SCARB2: variants seen among roughly 807,000 people sequenced by gnomAD.
SCARB2 encodes lysosome membrane protein 2.
Under a neutral mutation model 58.6 loss-of-function variants are expected in SCARB2, and 29 were observed. The observed-to-expected ratio is 0.49, with a 90% CI of 0.37 to 0.67. The LOEUF (loss-of-function observed/expected upper bound fraction) is 0.67, where lower values mean the gene tolerates loss of function less well. Ranked by LOEUF, SCARB2 falls within the 30% of genes least tolerant of loss-of-function variation. The pLI is 0.00. For missense variants in SCARB2, 488 were observed against 578.5 expected, an observed-to-expected ratio of 0.84 and a Z score of 1.60; for synonymous variants, 195 against 210.1, an observed-to-expected ratio of 0.93 and a Z score of 0.62.
At chr4:76,198,451 T>G (rs1264666738) in intron 1 of SCARB2, among the ~76,000 whole-genome samples, 1 of 152,238 alleles carries the variant, frequency 6.6e-6, no homozygotes, top group Non-Finnish European at 1.5e-5. Flanking sequence ...CAGTGTGACT[T>G]GAACTTGTTC....
chr4:76,214,732 T>C (rs1377152153), upstream of SCARB2, among the ~76,000 whole-genome samples: 1 of 152,208 alleles, frequency 6.6e-6, no homozygotes, highest in East Asian at 1.9e-4. Flanking sequence ...CGCCAGCCCT[T>C]TACTAGTTTC....
chr4:76,216,271 G>A (rs548850978), upstream of SCARB2, among the ~76,000 whole-genome samples: 3 of 152,250 alleles, frequency 2.0e-5, no homozygotes, highest in South Asian at 2.1e-4. Flanking sequence ...CTAGGCATTG[G>A]TTGAAGTCCT....
chr4:76,174,294 T>C lies in SCARB2; in HGVS notation c.844A>G (p.Ser282Gly). 1.9e-6 allele frequency: 3 copies of C among 1,614,168 alleles called. No individual in the cohort carries two copies. The highest frequency in any genetic ancestry group is 2.5e-6 in the Non-Finnish European group (3 of 1,179,994). The change falls in exon 7 of 12, where the codon AGT (serine) becomes GGT (glycine). Residue 282 changes from serine (S) to glycine (G), a missense_variant. Coordinates refer to ENST00000264896, the MANE Select transcript of SCARB2 (RefSeq NM_005506.4). ...AGTCCCTGTACACTCTCATAGTCAC[T>C]GAAAGTAATATACACTGACCTGTTA... ...DFCRSVYITF[S>G]DYESVQGLPA...
At chr4:76,204,656 T>A (rs1047445535) in intron 1 of SCARB2, among the ~76,000 whole-genome samples, 3 of 152,014 alleles carry the variant, frequency 2.0e-5, no homozygotes, top group African/African-American at 7.3e-5. Context: ...AATATATATA[T>A]ACATATATGG....
At chr4:76,211,574 C>T (rs1733048044) in intron 1 of SCARB2, among the ~76,000 whole-genome samples, 2 of 152,186 alleles carry the variant, frequency 1.3e-5, no homozygotes, top group Non-Finnish European at 2.9e-5. Flanking sequence ...CTTATTATCC[C>T]TATTTACAGA....
intron 1 of SCARB2, among the ~76,000 whole-genome samples, chr4:76,199,192 G>A (rs535626771): frequency 7.2e-5 from 11 of 152,238 alleles, no homozygotes; most frequent in Admixed American, 5.9e-4. Flanking sequence ...AAGTCACAAA[G>A]CCAGTAAATG....
chr4:76,196,385 TGTAAA>T (rs1732713604), intron 1 of SCARB2, among the ~76,000 whole-genome samples: 1 of 152,128 alleles, frequency 6.6e-6, no homozygotes, highest in African/African-American at 2.4e-5. Flanking sequence ...AATTAATAAT[TGTAAA>T]GGAAGGGTAC....
chr4:76,163,404 T>A (rs1219244442), intron 10 of SCARB2, 21 bp from the exon 11 acceptor site: 2 of 1,613,870 alleles, frequency 1.2e-6, no homozygotes, highest in Non-Finnish European at 1.7e-6. Context: ...AAGAAAATAG[T>A]ATTCTTGATG....
At chr4:76,211,331 A>G (rs936417040) in intron 1 of SCARB2, among the ~76,000 whole-genome samples, 9 of 147,480 alleles carry the variant, frequency 6.1e-5, no homozygotes, top group Non-Finnish European at 1.2e-4. Context: ...CCCCAGTTTT[A>G]CAAGCAATGA....
chr4:76,233,556 G>T (rs35507310), intron 1 of SCARB2, among the ~76,000 whole-genome samples: 19,645 of 143,334 alleles, frequency 0.14, 1,577 homozygotes, highest in East Asian at 0.35. Flanking sequence ...ATTAATTAGA[G>T]CTCTTTTTAC....
chr4:76,218,500 G>A (rs141181986), upstream of SCARB2, among the ~76,000 whole-genome samples: 734 of 152,214 alleles, frequency 4.8e-3, 5 homozygotes, highest in African/African-American at 0.017. Flanking sequence ...CCTGTCTACC[G>A]CCTCCTCCGA....
chr4:76,224,025 C>A (rs923172708), intron 1 of SCARB2, among the ~76,000 whole-genome samples: 1 of 152,174 alleles, frequency 6.6e-6, no homozygotes, highest in Non-Finnish European at 1.5e-5. Flanking sequence ...ACCAGGAGAC[C>A]TCCCCACAAA....
At chr4:76,217,821 T>C, upstream of SCARB2, 1 of 402,942 alleles carries the variant, frequency 2.5e-6, no homozygotes, top group Middle Eastern at 3.1e-4. Flanking sequence ...ACTTAATGAA[T>C]GATTGCTGGT....
At chr4:76,183,864 G>A (rs1353049747) in intron 2 of SCARB2, among the ~76,000 whole-genome samples, 2 of 152,186 alleles carry the variant, frequency 1.3e-5, no homozygotes, top group Non-Finnish European at 2.9e-5. Flanking sequence ...TCACTTAAGC[G>A]ATTCCAAGGA....
chr4:76,203,348 G>A (rs1322603392), intron 1 of SCARB2, among the ~76,000 whole-genome samples: 2 of 152,160 alleles, frequency 1.3e-5, no homozygotes, highest in Admixed American at 1.3e-4. Context: ...AAGTTTTCAT[G>A]AACTCATCAG....
At chr4:76,229,864 A>C (rs34846125) in intron 1 of SCARB2, among the ~76,000 whole-genome samples, 22,805 of 152,232 alleles carry the variant, frequency 0.15, 2,038 homozygotes, top group East Asian at 0.35. Context: ...CCATCTGGTT[A>C]GCCATGATGT....
At chr4:76,192,542 A>C (rs1732627600) in intron 2 of SCARB2, 1 of 152,226 alleles carries the variant, frequency 6.6e-6, no homozygotes, top group South Asian at 2.1e-4. Flanking sequence ...CAGATGTGGG[A>C]GTAAAAAAAT....
Position 76,161,899 on chromosome 4 carries a change from CT to C in SCARB2, c.1399-149del, listed in dbSNP as rs975154540. On this transcript the variant is annotated intron_variant, in intron 11 of 11. Transcript: ENST00000264896. Reference sequence around the variant, plus strand: ...CTCACTCACCTCCCCTCTTGGGCTGCTGCTTGTTCTTGAAGATTCAGCAGGC... The same window carrying C: ...CTCACTCACCTCCCCTCTTGGGCTGCGCTTGTTCTTGAAGATTCAGCAGGC... 1.0e-4 allele frequency: 76 copies of C among 725,850 alleles called. No homozygotes were observed. The African/African-American group carries it at 1.5e-3, about 14-fold the overall frequency. 45.0% of individuals were successfully genotyped at this position (725,850 alleles called of 1,614,324 possible).
chr4:76,213,696 C>T lies in SCARB2; in HGVS notation c.-153G>A. ...CACGGTTCGTGCGCGCAGCTCTGGG[C>T]TCCGCGGCCTGGCGAGCGCGGCCCC... On this transcript the variant is annotated 5_prime_UTR_variant, in exon 1 of 12. Coordinates refer to ENST00000264896, the MANE Select transcript of SCARB2 (RefSeq NM_005506.4). The T allele has an allele frequency of 1.7e-6, 1 of 574,912 alleles. No homozygotes were observed. The highest frequency in any genetic ancestry group is 2.2e-5 in the South Asian group (1 of 45,492). 35.6% of individuals were successfully genotyped at this position (574,912 alleles called of 1,614,324 possible).
Sources: gnomAD v4.1 joint callset for allele counts (sites outside exome capture counted in the v4.1 genomes callset) on GRCh38, gnomAD v4.1.1 for gene constraint, MANE v1.5 for transcripts, NCBI Gene and HGNC (gene_info 2026-07-23, HGNC 2026-07-21) for gene names.